RPTOR: variants seen among roughly 807,000 people sequenced by gnomAD.
The protein encoded by RPTOR is regulatory associated protein of MTOR complex 1, also known as regulatory-associated protein of mTOR.
A neutral mutation model predicts 169.9 loss-of-function variants in RPTOR; 21 were observed. The observed-to-expected ratio is 0.12, with a 90% confidence interval of 0.09 to 0.18. RPTOR has a LOEUF of 0.18. RPTOR is among the 10% of genes least tolerant of loss of function. The pLI is 1.00. For missense variants in RPTOR, 1,133 were observed against 1,855.9 expected (o/e 0.61, Z 7.16); for synonymous variants, 732 against 753.2 (o/e 0.97, Z 0.46).
chr17:80,710,519 T>A (rs1439448863), intron 4 of RPTOR, among the ~76,000 whole-genome samples: 1 of 152,014 alleles, frequency 6.6e-6, no homozygotes, highest in African/African-American at 2.4e-5. Context: ...CTTAATTTGG[T>A]TTTTTAAAAA....
At chr17:80,637,261 C>G (rs1357285392) in intron 2 of RPTOR, among the ~76,000 whole-genome samples, 3 of 152,208 alleles carry the variant, frequency 2.0e-5, no homozygotes, top group Non-Finnish European at 2.9e-5. Flanking sequence ...CCATGCCCAG[C>G]GTGGCTCTGG....
At chr17:80,801,519 G>A (rs1169811409) in intron 7 of RPTOR, 1 of 152,190 alleles carries the variant, frequency 6.6e-6, no homozygotes, top group Admixed American at 6.5e-5. Context: ...GTCTGCACAG[G>A]GTTTGGGGGG....
chr17:80,808,057 A>G (rs2067237026), intron 7 of RPTOR, among the ~76,000 whole-genome samples: 1 of 152,070 alleles, frequency 6.6e-6, no homozygotes, highest in Non-Finnish European at 1.5e-5. Flanking sequence ...TGCTTTGGAA[A>G]GCTGAGGCAG....
At chr17:80,812,535 C>G (rs1180696328) in intron 7 of RPTOR, among the ~76,000 whole-genome samples, 1 of 151,978 alleles carries the variant, frequency 6.6e-6, no homozygotes, top group East Asian at 1.9e-4. Context: ...TGCTGTTGTT[C>G]CCCAGCCCCA....
At chr17:80,855,888 G>A (rs1056321889) in intron 12 of RPTOR, among the ~76,000 whole-genome samples, 5 of 152,182 alleles carry the variant, frequency 3.3e-5, no homozygotes, top group African/African-American at 7.2e-5. Context: ...TGAGCCTGAC[G>A]CAGCACCCAC....
chr17:80,776,454 G>C lies in RPTOR; in HGVS notation c.831-14996G>C, dbSNP rs538079854. 1.3e-3 allele frequency among the ~76,000 whole-genome samples: 192 copies of C among 150,886 alleles called. 2 individuals carry two copies. Among genetic ancestry groups the C allele is most frequent in the African/African-American group, 4.6e-3 (189 of 41,108 alleles). The stretch of plus-strand genomic sequence containing the variant: ...TTCTCCTGCCTCAGACTCCCAAGTA[G>C]CTGGGACTATAGGTGTGCACCACAA... On this transcript the variant is annotated intron_variant, in intron 6 of 33. Transcript: ENST00000306801.
intron 2 of RPTOR, among the ~76,000 whole-genome samples, chr17:80,632,468 A>G (rs561535892): frequency 6.6e-6 from 1 of 152,242 alleles, no homozygotes; most frequent in South Asian, 2.1e-4. Context: ...GTATTTACAC[A>G]ATGTTAATGA....
intron 3 of RPTOR, among the ~76,000 whole-genome samples, chr17:80,649,619 G>A (rs34713877): frequency 0.021 from 3,186 of 152,300 alleles, 59 homozygotes; most frequent in Non-Finnish European, 0.035. Flanking sequence ...AAATTTGCAG[G>A]ACGGTACAGA....
At chr17:80,846,354 C>T (rs1427859891) in intron 10 of RPTOR, 119 bp from the exon 11 acceptor site, 12 of 945,506 alleles carry the variant, frequency 1.3e-5, no homozygotes, top group East Asian at 4.9e-5. Context: ...GGCATCCTCG[C>T]GGCCCTGCAG....
At position 80,965,533 on chromosome 17, in the gene RPTOR, GTTC is replaced by G. The variant is rs2069416147; in HGVS notation, c.*1206_*1208del. On this transcript the variant is annotated 3_prime_UTR_variant, in exon 34 of 34. Coordinates refer to ENST00000306801, the MANE Select transcript of RPTOR (RefSeq NM_020761.3). ...CCACAATGATGGTATTTTGAAAAGT[GTTC>G]TTTCCGTGTTCGTCGGGAATCAGGA... 1 of 233,286 alleles carries G rather than the reference GTTC, an allele frequency of 4.3e-6. No homozygotes were observed. Among genetic ancestry groups the G allele is most frequent in the Non-Finnish European group, 8.5e-6 (1 of 118,088 alleles). 14.5% of individuals were successfully genotyped at this position (233,286 alleles called of 1,614,324 possible).
intron 7 of RPTOR, among the ~76,000 whole-genome samples, chr17:80,794,397 C>G (rs1003500422): frequency 1.3e-5 from 2 of 152,188 alleles, no homozygotes; most frequent in Non-Finnish European, 2.9e-5. Flanking sequence ...ACAGCACTGT[C>G]CCTATTAGAA....
At position 80,831,507 on chromosome 17, in the gene RPTOR, T is replaced by G. The variant is rs567931858; in HGVS notation, c.1137-6415T>G. On this transcript the variant is annotated intron_variant, in intron 9 of 33. Transcript: ENST00000306801. ...CACAGGAGGGAGGCTTCTGGAAGACTGGGAAACCCCAGGCCTTCTTAGATA... is the reference window on the plus strand; with the variant it reads ...CACAGGAGGGAGGCTTCTGGAAGACGGGGAAACCCCAGGCCTTCTTAGATA... Among the ~76,000 whole-genome samples, 8 of 152,376 alleles carry G rather than the reference T, an allele frequency of 5.3e-5. No individual in the cohort carries two copies. The East Asian group carries it at 1.5e-3, about 29-fold the overall frequency.
At chr17:80,561,820 G>T (rs932817421) in intron 1 of RPTOR, among the ~76,000 whole-genome samples, 2 of 152,094 alleles carry the variant, frequency 1.3e-5, no homozygotes. Flanking sequence ...GTGTGTTTGT[G>T]TGTGACTGTG....
intron 22 of RPTOR, 93 bp downstream of exon 22, chr17:80,922,920 T>G: frequency 2.1e-5 from 22 of 1,023,766 alleles, no homozygotes; most frequent in Non-Finnish European, 2.9e-5. Flanking sequence ...ATCCTCCTCC[T>G]TCCCCGCCCT....
chr17:80,912,402 A>C (rs1178695376), intron 21 of RPTOR, among the ~76,000 whole-genome samples: 1 of 152,238 alleles, frequency 6.6e-6, no homozygotes, highest in Non-Finnish European at 1.5e-5. Context: ...TGATGAAATC[A>C]GTATTCAGCC....
At chr17:80,714,894 T>G (rs150738216) in intron 4 of RPTOR, among the ~76,000 whole-genome samples, 14,650 of 152,232 alleles carry the variant, frequency 0.096, 775 homozygotes, top group Middle Eastern at 0.14. Context: ...CAGCTATTTT[T>G]GTATTTTTAG....
At chr17:80,953,824 C>T (rs912368569) in intron 28 of RPTOR, among the ~76,000 whole-genome samples, 5 of 152,208 alleles carry the variant, frequency 3.3e-5, no homozygotes, top group Admixed American at 6.5e-5. Context: ...TGTGCCCTCC[C>T]GCCCGGTTGC....
chr17:80,702,129 T>C (rs188420669), intron 3 of RPTOR, among the ~76,000 whole-genome samples: 59 of 152,298 alleles, frequency 3.9e-4, no homozygotes, highest in African/African-American at 1.3e-3. Context: ...TATTAGCATA[T>C]AAATTTACCA....
intron 2 of RPTOR, among the ~76,000 whole-genome samples, chr17:80,634,120 G>GTGCGTGTGTGCATAC (rs1567830076): frequency 4.6e-5 from 3 of 65,756 alleles, no homozygotes; most frequent in African/African-American, 1.2e-4. Flanking sequence ...TGTGCATACT[G>GTGCGTGTGTGCATAC]TGTGTGTGTG....
Sources: gnomAD v4.1 joint callset for allele counts (sites outside exome capture counted in the v4.1 genomes callset) on GRCh38, gnomAD v4.1.1 for gene constraint, MANE v1.5 for transcripts, NCBI Gene and HGNC (gene_info 2026-07-23, HGNC 2026-07-21) for gene names.